The following NKAIN3 variants were observed in gnomAD, a reference collection of about 807,000 sequenced individuals.
NKAIN3 encodes the protein sodium/potassium-transporting ATPase subunit beta-1-interacting protein 3.
In NKAIN3, 25 loss-of-function variants were observed where a neutral mutation model predicts 30.2. The observed-to-expected ratio is 0.83, with a 90% CI of 0.60 to 1.16. NKAIN3 has a LOEUF of 1.16. Among genes scored for constraint, NKAIN3 ranks in the 50% most tolerant of loss-of-function variants. The probability of loss-of-function intolerance (pLI) is 0.00; values close to 1 mark genes in which losing one functional copy is unlikely to be tolerated. For synonymous variants in NKAIN3, 91 were observed against 89.6 expected, an observed-to-expected ratio of 1.02 and a Z score of -0.09; for missense variants, 225 against 254.1, an observed-to-expected ratio of 0.89 and a Z score of 0.78.
At chr8:62,512,221 G>A (rs986814065) in intron 1 of NKAIN3, among the ~76,000 whole-genome samples, 27 of 152,194 alleles carry the variant, frequency 1.8e-4, no homozygotes, top group African/African-American at 6.3e-4. Flanking sequence ...ATTTAAGAAG[G>A]CATTGTGGAT....
chr8:62,932,559 A>T (rs968228), intron 5 of NKAIN3, among the ~76,000 whole-genome samples: 1 of 152,286 alleles, frequency 6.6e-6, no homozygotes, highest in East Asian at 1.9e-4. Context: ...GCACAGAAAC[A>T]CCATAAAATA....
rs1810232913 is a variant in NKAIN3, at chr8:62,579,683, C to T, written c.192+7C>T. 17 of 1,429,318 alleles carry T rather than the reference C, an allele frequency of 1.2e-5. No individual in the cohort carries two copies. The highest frequency in any genetic ancestry group is 1.6e-5 in the Non-Finnish European group (17 of 1,082,804). 88.5% of individuals were successfully genotyped at this position (1,429,318 alleles called of 1,614,324 possible). A position where few individuals can be genotyped will look rare whatever the true frequency, so the allele number is the denominator to read the frequency against. ...ACCTCGATACATAATGGTGGTAAGT[C>T]TTATTTTTATCATTTTGCTTCATAT... is the stretch of plus-strand genomic sequence containing the variant. On this transcript the variant is annotated splice_region_variant and intron_variant, in intron 2 of 6. Transcript: ENST00000623646.
intron 1 of NKAIN3, among the ~76,000 whole-genome samples, chr8:62,528,287 ATATATATATATATTATAT>A (rs1808370929): frequency 8.6e-6 from 1 of 116,872 alleles, no homozygotes; most frequent in Non-Finnish European, 1.7e-5. Context: ...TGGTATTGTG[ATATATATATATATTATAT>A]TATATATATA....
chr8:62,555,011 TAC>T (rs59610407), intron 1 of NKAIN3, among the ~76,000 whole-genome samples: 9,820 of 144,744 alleles, frequency 0.068, 361 homozygotes, highest in East Asian at 0.13. Context: ...GCAGAATCTA[TAC>T]ACACACACAC....
intron 1 of NKAIN3, among the ~76,000 whole-genome samples, chr8:62,577,954 G>A (rs1256291577): frequency 2.6e-5 from 4 of 151,924 alleles, no homozygotes; most frequent in Non-Finnish European, 5.9e-5. Context: ...ACTGGATAGA[G>A]GACATTTCTT....
chr8:62,801,005 C>T (rs12675032), intron 4 of NKAIN3, among the ~76,000 whole-genome samples: 83,373 of 150,814 alleles, frequency 0.55, 24,298 homozygotes, highest in Non-Finnish European at 0.66. Flanking sequence ...CACGGAGTCT[C>T]ACTGATTGCT....
At chr8:62,336,833 A>G (rs1167249170) in intron 1 of NKAIN3, among the ~76,000 whole-genome samples, 1 of 152,006 alleles carries the variant, frequency 6.6e-6, no homozygotes, top group African/African-American at 2.4e-5. Context: ...AACCGAAGTC[A>G]GCAAAGTTTT....
At chr8:62,893,691 A>G (rs16929792) in intron 4 of NKAIN3, among the ~76,000 whole-genome samples, 43,807 of 152,086 alleles carry the variant, frequency 0.29, 6,612 homozygotes, top group African/African-American at 0.35. Flanking sequence ...TATGCACATA[A>G]CTAACTGTGT....
intron 1 of NKAIN3, among the ~76,000 whole-genome samples, chr8:62,296,388 C>A (rs1241254696): frequency 3.9e-5 from 6 of 152,106 alleles, no homozygotes; most frequent in Non-Finnish European, 8.8e-5. Flanking sequence ...TCATGACCTA[C>A]CACTAATTTG....
intron 1 of NKAIN3, among the ~76,000 whole-genome samples, chr8:62,505,569 G>T (rs1037898200): frequency 1.3e-5 from 2 of 152,086 alleles, no homozygotes; most frequent in African/African-American, 4.8e-5. Context: ...TCTATCCCCT[G>T]CTCTACAGAA....
intron 4 of NKAIN3, among the ~76,000 whole-genome samples, chr8:62,861,467 C>T (rs980606909): frequency 1.3e-5 from 2 of 152,220 alleles, no homozygotes; most frequent in African/African-American, 4.8e-5. Flanking sequence ...CCTGGCGTCA[C>T]TTGAAATCAC....
At chr8:62,506,476 C>CTTTCTTTCTTTTTTTTTTTTTT (rs71559373) in intron 1 of NKAIN3, among the ~76,000 whole-genome samples, 4 of 98,438 alleles carry the variant, frequency 4.1e-5, no homozygotes, top group Admixed American at 1.2e-4. Context: ...TTCTTTCTTT[C>CTTTCTTTCTTTTTTTTTTTTTT]TTTTTTTTTT....
rs559147555 is a variant in NKAIN3 at position 62,464,411 on chromosome 8, A to G, written c.55-115128A>G. Among the ~76,000 whole-genome samples the G allele has an allele frequency of 8.0e-4, 122 of 152,316 alleles. 1 individual carries two copies. The highest frequency in any genetic ancestry group is 2.8e-3 in the African/African-American group (116 of 41,568). ...TACATACAAGTATACTTAAATGTAT[A>G]TATTTGGATTCACACAGAAGCAAGT... On this transcript the variant is annotated intron_variant, in intron 1 of 6. Transcript: ENST00000623646.
At chr8:62,926,654 A>C (rs987167963) in intron 5 of NKAIN3, among the ~76,000 whole-genome samples, 16 of 152,146 alleles carry the variant, frequency 1.1e-4, no homozygotes, top group African/African-American at 3.9e-4. Flanking sequence ...CCAAAGAGGC[A>C]ATGTGACCGC....
rs567500332 is a variant in NKAIN3 at position 62,936,215 on chromosome 8, T to C, written c.533-17687T>C. Among the ~76,000 whole-genome samples the C allele has an allele frequency of 8.8e-4, 134 of 152,284 alleles. 2 individuals are homozygous for C. The South Asian group carries it at 0.026, about 29-fold the overall frequency. ...CTACATCAAGTGCAAGCACAGGGAC[T>C]GATTCTGAAGTCAGGGTTGATGTGG... On this transcript the variant is annotated intron_variant, in intron 5 of 6. Coordinates refer to ENST00000623646, the MANE Select transcript of NKAIN3 (RefSeq NM_001304533.3).
intron 1 of NKAIN3, among the ~76,000 whole-genome samples, chr8:62,448,216 G>A (rs985234280): frequency 1.6e-4 from 25 of 151,664 alleles, no homozygotes; most frequent in African/African-American, 6.0e-4. Context: ...CCATAAAGAA[G>A]CAAATTAGTG....
chr8:62,377,825 T>C (rs1817140973), intron 1 of NKAIN3, among the ~76,000 whole-genome samples: 1 of 152,218 alleles, frequency 6.6e-6, no homozygotes, highest in Middle Eastern at 3.2e-3. Context: ...TATGCAGAAC[T>C]ATGAGTCAAT....
chr8:62,341,564 C>A (rs1004493785), intron 1 of NKAIN3, among the ~76,000 whole-genome samples: 3 of 151,950 alleles, frequency 2.0e-5, no homozygotes, highest in Non-Finnish European at 2.9e-5. Context: ...GATTAACTCT[C>A]CAAAGAAATT....
intron 1 of NKAIN3, among the ~76,000 whole-genome samples, chr8:62,358,660 G>T (rs777938481): frequency 1.3e-5 from 2 of 152,126 alleles, no homozygotes; most frequent in Non-Finnish European, 2.9e-5. Context: ...TTAAGGAAAA[G>T]ATCTTTTCAG....
Sources: allele counts gnomAD v4.1 joint callset (sites outside exome capture counted in the v4.1 genomes callset), GRCh38; gene constraint gnomAD v4.1.1; transcripts MANE v1.5; gene names NCBI Gene and HGNC (gene_info 2026-07-23, HGNC 2026-07-21).